NDRG1: variants seen among roughly 807,000 people sequenced by gnomAD.
NDRG1 encodes N-myc downstream regulated 1, also known as protein NDRG1.
In NDRG1, 32 loss-of-function variants were observed where a neutral mutation model predicts 56.9. The observed-to-expected ratio is 0.56, with a 90% CI of 0.42 to 0.76. The LOEUF is 0.76. Ranked by LOEUF, NDRG1 falls within the 30% of genes least tolerant of loss-of-function variation. The pLI, the probability that NDRG1 is intolerant of heterozygous loss-of-function variation, is 0.00. For missense variants in NDRG1, 507 were observed against 545.7 expected, an observed-to-expected ratio of 0.93 and a Z score of 0.71; for synonymous variants, 211 against 204.1, an observed-to-expected ratio of 1.03 and a Z score of -0.29.
chr8:133,237,366 C>T lies in NDRG1; in HGVS notation c.*1512G>A, dbSNP rs925111758. 3.4e-5 allele frequency: 8 copies of T among 231,988 alleles called. No homozygotes were observed. The highest frequency in any genetic ancestry group is 5.1e-5 in the Non-Finnish European group (6 of 117,316). The allele number at this position is 231,988 out of a possible 1,614,324, so 14.4% of individuals were successfully genotyped here. On this transcript the variant is annotated 3_prime_UTR_variant, in exon 16 of 16. Coordinates refer to ENST00000323851, the MANE Select transcript of NDRG1 (RefSeq NM_006096.4). The stretch of plus-strand genomic sequence containing the variant: ...GCAGGTAACGAGTCATTGCCTCTCA[C>T]GCCACCTGGAAGGCTGGACTACTTC...
rs1273093756 is a variant in NDRG1, at chr8:133,248,770, G to A, written c.700C>T (p.Arg234Trp). 16 of 1,614,000 alleles carry A rather than the reference G, an allele frequency of 9.9e-6. No individual in the cohort carries two copies. The highest frequency in any genetic ancestry group is 6.7e-5 in the Admixed American group (4 of 60,004). ...LHLFINAYNS[R>W]RDLEIERPMP... ...GGTCGCTCAATCTCCAGGTCGCGCCGGCTGCAGGAAACAAATGCATCATTA... is the reference window on the plus strand; with the variant it reads ...GGTCGCTCAATCTCCAGGTCGCGCCAGCTGCAGGAAACAAATGCATCATTA... The change falls in exon 11 of 16, where the codon CGG becomes TGG. Residue 234 changes from arginine (R) to tryptophan (W), a missense_variant and splice_region_variant. By Grantham distance (101) the Arg-to-Trp change is moderately radical. Transcript: ENST00000323851.
intron 8 of NDRG1, chr8:133,255,217 G>A: frequency 2.2e-6 from 1 of 451,534 alleles, no homozygotes. Flanking sequence ...AGGGTCTTTG[G>A]CTGGCCCTTG....
chr8:133,248,564 G>C, intron 11 of NDRG1, 151 bp downstream of exon 11: 1 of 973,352 alleles, frequency 1.0e-6, no homozygotes, highest in Non-Finnish European at 1.6e-6. Context: ...GTCCAAGTCA[G>C]GCTGGGTAAT....
chr8:133,284,915 A>G (rs1858022707), intron 1 of NDRG1: 1 of 450,906 alleles, frequency 2.2e-6, no homozygotes. Context: ...GAAGAGGGGC[A>G]GAGGAAAACC....
At chr8:133,277,080 T>G (rs889378682) in intron 3 of NDRG1, among the ~76,000 whole-genome samples, 1 of 152,358 alleles carries the variant, frequency 6.6e-6, no homozygotes, top group East Asian at 1.9e-4. Context: ...AGCCAGACAC[T>G]GGCAAAGAAC....
intron 2 of NDRG1, among the ~76,000 whole-genome samples, chr8:133,283,750 C>G (rs1349869730): frequency 6.6e-6 from 1 of 152,234 alleles, no homozygotes; most frequent in Non-Finnish European, 1.5e-5. Context: ...CAAGTGGACA[C>G]CAAGCTGCAA....
At position 133,250,435 on chromosome 8, in the gene NDRG1, A is replaced by G. The variant is rs1326900722; in HGVS notation, c.698+5T>C. On this transcript the variant is annotated splice_donor_5th_base_variant and intron_variant, in intron 10 of 15. Transcript: ENST00000323851. ...CAATGATGTGGCTGAACTACATCCC[A>G]ATACCTGTTGTAGGCATTGATGAAC... 6.2e-7 allele frequency: 1 copy of G among 1,611,306 alleles called. No homozygotes were observed. Among genetic ancestry groups the G allele is most frequent in the Non-Finnish European group, 8.5e-7 (1 of 1,177,392 alleles).
intron 1 of NDRG1, among the ~76,000 whole-genome samples, chr8:133,296,087 G>A (rs773036828): frequency 1.8e-4 from 27 of 152,134 alleles, no homozygotes; most frequent in Non-Finnish European, 2.5e-4. Context: ...TGACAGAGGC[G>A]TGACAGCGTG....
At chr8:133,265,384 G>C (rs927082905) in intron 3 of NDRG1, among the ~76,000 whole-genome samples, 1 of 152,158 alleles carries the variant, frequency 6.6e-6, no homozygotes, top group Admixed American at 6.5e-5. Flanking sequence ...TGAAAGTATG[G>C]CCAGCCCAGG....
At chr8:133,272,864 C>A (rs917258357) in intron 3 of NDRG1, among the ~76,000 whole-genome samples, 3 of 152,176 alleles carry the variant, frequency 2.0e-5, no homozygotes, top group Non-Finnish European at 4.4e-5. Context: ...CACCTTCAGT[C>A]ATGGGGCATG....
At chr8:133,259,505 A>G in intron 5 of NDRG1, 1 of 508,880 alleles carries the variant, frequency 2.0e-6, no homozygotes, top group Admixed American at 3.2e-5. Context: ...ATTTCCCCTC[A>G]TAGCAAGATT....
chr8:133,253,380 T>C (rs1284280974), intron 9 of NDRG1, among the ~76,000 whole-genome samples: 1 of 152,156 alleles, frequency 6.6e-6, no homozygotes, highest in African/African-American at 2.4e-5. Flanking sequence ...CGGCCCCACC[T>C]CTCCCTGGTT....
intron 3 of NDRG1, among the ~76,000 whole-genome samples, chr8:133,275,198 G>A (rs1185455092): frequency 6.6e-6 from 1 of 152,166 alleles, no homozygotes; most frequent in Non-Finnish European, 1.5e-5. Flanking sequence ...CAAGATTTTG[G>A]AGACTGCTGA....
At chr8:133,241,892 C>T in intron 15 of NDRG1, 131 bp downstream of exon 15, 2 of 1,051,236 alleles carry the variant, frequency 1.9e-6, no homozygotes, top group South Asian at 1.3e-5. Context: ...ACACACCTAA[C>T]TGTTTCCTCC....
At chr8:133,254,503 G>A (rs1252408757) in intron 9 of NDRG1, 36 bp downstream of exon 9, 2 of 1,612,176 alleles carry the variant, frequency 1.2e-6, no homozygotes, top group East Asian at 2.2e-5. Context: ...GCCTTGCTCA[G>A]CAGGAACAAC....
chr8:133,272,227 A>G (rs979132051), intron 3 of NDRG1, among the ~76,000 whole-genome samples: 1 of 152,222 alleles, frequency 6.6e-6, no homozygotes, highest in African/African-American at 2.4e-5. Flanking sequence ...ACAGCATGCA[A>G]CTGGAACCCA....
intron 6 of NDRG1, 104 bp from the exon 7 acceptor site, chr8:133,258,530 C>T (rs1264465990): frequency 1.5e-5 from 16 of 1,091,342 alleles, no homozygotes; most frequent in South Asian, 5.4e-5. Flanking sequence ...CTAGGCAATG[C>T]GGGAGCATGC....
intron 3 of NDRG1, among the ~76,000 whole-genome samples, chr8:133,279,835 TA>T (rs1857680458): frequency 2.6e-5 from 4 of 152,180 alleles, no homozygotes; most frequent in Admixed American, 6.5e-5. Flanking sequence ...TCTGGGCCAG[TA>T]AACCACAGAG....
chr8:133,291,373 C>G (rs1858420518), intron 1 of NDRG1, among the ~76,000 whole-genome samples: 2 of 152,198 alleles, frequency 1.3e-5, no homozygotes, highest in Admixed American at 6.5e-5. Flanking sequence ...GGAAAACCAC[C>G]TTGAGATAGG....
Sources: gnomAD v4.1 joint callset for allele counts (sites outside exome capture counted in the v4.1 genomes callset) on GRCh38, gnomAD v4.1.1 for gene constraint, MANE v1.5 for transcripts, NCBI Gene and HGNC (gene_info 2026-07-23, HGNC 2026-07-21) for gene names.